Variants in PRKCE observed in about 807,000 individuals in gnomAD.
The protein encoded by PRKCE is protein kinase C epsilon.
Under a neutral mutation model 85.4 loss-of-function variants are expected in PRKCE, and 16 were observed. That is an observed-to-expected ratio of 0.19 (90% CI 0.13 to 0.28). PRKCE has a LOEUF of 0.28. Ranked by LOEUF, PRKCE falls within the 10% of genes least tolerant of loss-of-function variation. The probability of loss-of-function intolerance (pLI) is 1.00; values close to 1 mark genes in which losing one functional copy is unlikely to be tolerated. For missense variants in PRKCE, 573 were observed against 975.2 expected (o/e 0.59, Z 5.49); for synonymous variants, 388 against 371.5 (o/e 1.04, Z -0.51).
chr2:46,026,802 A>G (rs1266930586), intron 10 of PRKCE, among the ~76,000 whole-genome samples: 1 of 152,196 alleles, frequency 6.6e-6, no homozygotes, highest in African/African-American at 2.4e-5. Context: ...CCCAGAATAG[A>G]CATGTAGCAT....
At chr2:45,902,552 TG>T (rs1696657647) in intron 2 of PRKCE, among the ~76,000 whole-genome samples, 1 of 152,172 alleles carries the variant, frequency 6.6e-6, no homozygotes, top group Non-Finnish European at 1.5e-5. Context: ...AAAGCTGTGC[TG>T]GGGAAAAGTC....
At chr2:46,178,701 T>C (rs903554418) in intron 14 of PRKCE, among the ~76,000 whole-genome samples, 1 of 152,202 alleles carries the variant, frequency 6.6e-6, no homozygotes, top group Non-Finnish European at 1.5e-5. Context: ...TAGACAAGAA[T>C]ATGGACATTT....
intron 11 of PRKCE, among the ~76,000 whole-genome samples, chr2:46,108,538 T>C (rs1403174458): frequency 3.3e-5 from 5 of 152,210 alleles, no homozygotes; most frequent in African/African-American, 1.2e-4. Context: ...GATAGGAGGC[T>C]GCTCGATGGG....
intron 1 of PRKCE, among the ~76,000 whole-genome samples, chr2:45,837,705 G>A (rs1690999000): frequency 6.6e-6 from 1 of 152,022 alleles, no homozygotes; most frequent in Non-Finnish European, 1.5e-5. Context: ...CTTAACCCCA[G>A]CTTTCTCAGA....
chr2:45,983,567 C>A (rs1229039176), intron 5 of PRKCE, among the ~76,000 whole-genome samples: 2 of 152,168 alleles, frequency 1.3e-5, no homozygotes, highest in Admixed American at 6.5e-5. Flanking sequence ...GCCTCTTCCA[C>A]CCCTGAGGTC....
Position 46,097,519 on chromosome 2 carries a change from C to CAA in PRKCE, c.1592+11174_1592+11175dup, listed in dbSNP as rs66634467. Among the ~76,000 whole-genome samples the CAA allele has an allele frequency of 6.4e-5, 6 of 94,112 alleles. 1 individual carries two copies. The highest frequency in any genetic ancestry group is 1.1e-4 in the Non-Finnish European group (5 of 45,808). 61.7% of individuals were successfully genotyped at this position (94,112 alleles called of 152,430 possible). A position where few individuals can be genotyped will look rare whatever the true frequency, so the allele number is the denominator to read the frequency against. On this transcript the variant is annotated intron_variant, in intron 11 of 14. Transcript: ENST00000306156. Reference sequence around the variant, plus strand: ...TGGGAGACAGAGCGAGACTCCGTCTCAAAAAAAAAAAAAAAAAAGCTGTGA... The same window carrying CAA: ...TGGGAGACAGAGCGAGACTCCGTCTCAAAAAAAAAAAAAAAAAAAAGCTGTGA...
At chr2:45,944,340 A>C (rs769833603) in intron 2 of PRKCE, among the ~76,000 whole-genome samples, 3 of 152,212 alleles carry the variant, frequency 2.0e-5, no homozygotes, top group African/African-American at 7.2e-5. Context: ...CATGAGCTCT[A>C]CAGGAAATGC....
chr2:45,844,908 G>A (rs1019183938), intron 2 of PRKCE, among the ~76,000 whole-genome samples: 5 of 151,524 alleles, frequency 3.3e-5, no homozygotes, highest in Admixed American at 6.7e-5. Flanking sequence ...CATGTGAATA[G>A]CCAAAGCAAT....
At chr2:46,070,032 T>C (rs369155816) in intron 10 of PRKCE, among the ~76,000 whole-genome samples, 9 of 152,336 alleles carry the variant, frequency 5.9e-5, no homozygotes, top group African/African-American at 2.2e-4. Context: ...TAGTGTTTCT[T>C]TTCCTGCTCA....
At chr2:45,769,864 G>A (rs1010621936) in intron 1 of PRKCE, among the ~76,000 whole-genome samples, 1 of 152,222 alleles carries the variant, frequency 6.6e-6, no homozygotes, top group African/African-American at 2.4e-5. Flanking sequence ...ACAGTAGGAG[G>A]TGTGAGGAGG....
chr2:46,019,297 G>A (rs1031855398), intron 10 of PRKCE, among the ~76,000 whole-genome samples: 4 of 152,048 alleles, frequency 2.6e-5, no homozygotes, highest in Non-Finnish European at 5.9e-5. Context: ...CCAAAGCTAT[G>A]CACATCGGGA....
At chr2:45,938,114 G>T (rs1446815833) in intron 2 of PRKCE, among the ~76,000 whole-genome samples, 1 of 152,164 alleles carries the variant, frequency 6.6e-6, no homozygotes, top group Non-Finnish European at 1.5e-5. Flanking sequence ...GCCAGTGTTA[G>T]CCCAGAAATG....
At chr2:45,805,729 T>C (rs988972577) in intron 1 of PRKCE, among the ~76,000 whole-genome samples, 1 of 152,062 alleles carries the variant, frequency 6.6e-6, no homozygotes, top group Admixed American at 6.5e-5. Flanking sequence ...CCCAAGTAGC[T>C]GGGATTACAG....
intron 2 of PRKCE, among the ~76,000 whole-genome samples, chr2:45,888,557 TCTC>T (rs1327427015): frequency 7.1e-6 from 1 of 141,144 alleles, no homozygotes; most frequent in African/African-American, 2.6e-5. Context: ...TTCAAGCAAT[TCTC>T]CTGCCTCAGC....
chr2:45,981,668 C>T (rs1247463251), intron 5 of PRKCE, among the ~76,000 whole-genome samples: 2 of 152,326 alleles, frequency 1.3e-5, no homozygotes, highest in East Asian at 3.9e-4. Flanking sequence ...ATCACTGTTG[C>T]TTTCACGAGG....
intron 1 of PRKCE, among the ~76,000 whole-genome samples, chr2:45,839,243 G>A (rs1691150727): frequency 6.6e-6 from 1 of 152,106 alleles, no homozygotes; most frequent in Non-Finnish European, 1.5e-5. Flanking sequence ...CTCAGGAAGA[G>A]TAAATAATTG....
At chr2:45,736,969 G>A (rs987325914) in intron 1 of PRKCE, among the ~76,000 whole-genome samples, 1 of 152,202 alleles carries the variant, frequency 6.6e-6, no homozygotes, top group Non-Finnish European at 1.5e-5. Context: ...GGAATGAGCA[G>A]ATGGAAGAGG....
At chr2:45,824,115 T>C (rs1418999608) in intron 1 of PRKCE, among the ~76,000 whole-genome samples, 1 of 152,236 alleles carries the variant, frequency 6.6e-6, no homozygotes, top group Admixed American at 6.5e-5. Flanking sequence ...CATGGCTGTA[T>C]GCAAGTTTAC....
intron 2 of PRKCE, among the ~76,000 whole-genome samples, chr2:45,971,568 A>G (rs1702113085): frequency 1.3e-5 from 2 of 152,220 alleles, no homozygotes; most frequent in African/African-American, 4.8e-5. Context: ...AGGGTTGAAG[A>G]CAGTAGAACA....
Sources: allele counts gnomAD v4.1 joint callset (sites outside exome capture counted in the v4.1 genomes callset), GRCh38; gene constraint gnomAD v4.1.1; transcripts MANE v1.5; gene names NCBI Gene and HGNC (gene_info 2026-07-23, HGNC 2026-07-21).